MYO1D: variants seen among roughly 807,000 people sequenced by gnomAD.
MYO1D encodes the protein unconventional myosin-Id.
A neutral mutation model predicts 122.0 loss-of-function variants in MYO1D; 83 were observed. That is an observed-to-expected ratio of 0.68 (90% CI 0.57 to 0.82). The LOEUF (loss-of-function observed/expected upper bound fraction) is 0.82, where lower values mean the gene tolerates loss of function less well. Ranked by LOEUF, MYO1D falls within the 40% of genes least tolerant of loss-of-function variation. MYO1D has a pLI of 0.00. For missense variants in MYO1D, 1,157 were observed against 1,269.5 expected (o/e 0.91, Z 1.35); for synonymous variants, 464 against 446.9 (o/e 1.04, Z -0.48).
intron 1 of MYO1D, among the ~76,000 whole-genome samples, chr17:32,847,361 A>G (rs922984412): frequency 1.1e-4 from 17 of 152,230 alleles, no homozygotes; most frequent in Non-Finnish European, 2.5e-4. Context: ...GAATAATTAT[A>G]GCCCAGAGAA....
intron 21 of MYO1D, among the ~76,000 whole-genome samples, chr17:32,554,071 G>C (rs951977636): frequency 6.6e-6 from 1 of 152,092 alleles, no homozygotes; most frequent in African/African-American, 2.4e-5. Flanking sequence ...AAATACCTGA[G>C]TCACCAGTTA....
At chr17:32,556,018 G>A (rs914062259) in intron 21 of MYO1D, among the ~76,000 whole-genome samples, 7 of 152,098 alleles carry the variant, frequency 4.6e-5, no homozygotes, top group Admixed American at 2.6e-4. Context: ...TTATCATATC[G>A]AATTATTTTT....
chr17:32,800,696 T>G (rs1341248181), intron 1 of MYO1D, among the ~76,000 whole-genome samples: 4 of 150,400 alleles, frequency 2.7e-5, no homozygotes, highest in South Asian at 2.1e-4. Flanking sequence ...TTTGTTTTTG[T>G]TTTTTTTTGT....
Position 32,549,803 on chromosome 17 carries a change from C to T in MYO1D, c.2865-54888G>A, listed in dbSNP as rs373072349. Reference sequence around the variant, plus strand: ...ATGAAGGACACGTTAATTGCATTAACTATCTTATGGAAGTATTGCGAAATA... The same window carrying T: ...ATGAAGGACACGTTAATTGCATTAATTATCTTATGGAAGTATTGCGAAATA... On this transcript the variant is annotated intron_variant, in intron 21 of 21. Coordinates refer to ENST00000318217, the MANE Select transcript of MYO1D (RefSeq NM_015194.3). Among the ~76,000 whole-genome samples the T allele has an allele frequency of 9.2e-5, 14 of 152,270 alleles. No homozygotes were observed. The East Asian group carries it at 2.7e-3, about 29-fold the overall frequency.
Position 32,533,283 on chromosome 17 carries a change from G to A in MYO1D, c.2865-38368C>T, listed in dbSNP as rs140882821. ...TTTGCCCTTGGATAAGAGACAGCTG[G>A]GTTCATGGCCACCCATCACCCAAGC... On this transcript the variant is annotated intron_variant, in intron 21 of 21. Transcript: ENST00000318217. Among the ~76,000 whole-genome samples, 884 of 152,072 alleles carry A rather than the reference G, an allele frequency of 5.8e-3. 9 individuals carry two copies. Among genetic ancestry groups the A allele is most frequent in the African/African-American group, 0.02 (846 of 41,470 alleles).
At chr17:32,578,572 T>A (rs143655242) in intron 21 of MYO1D, among the ~76,000 whole-genome samples, 26 of 152,380 alleles carry the variant, frequency 1.7e-4, no homozygotes, top group African/African-American at 5.8e-4. Flanking sequence ...TAACAGAATT[T>A]GTAATAGAAA....
At chr17:32,634,437 C>G (rs182074714) in intron 20 of MYO1D, among the ~76,000 whole-genome samples, 1 of 152,236 alleles carries the variant, frequency 6.6e-6, no homozygotes, top group East Asian at 1.9e-4. Context: ...CACTGGTGAC[C>G]CATGGGAGAT....
intron 20 of MYO1D, chr17:32,632,602 CACACACACACACACACACACACACAT>C (rs2088032043): frequency 2.7e-5 from 4 of 149,612 alleles, no homozygotes; most frequent in African/African-American, 9.9e-5. Flanking sequence ...CACACACACA[CACACACACACACACACACACACACAT>C]ATATATATAT....
At chr17:32,537,763 C>A (rs187517655) in intron 21 of MYO1D, among the ~76,000 whole-genome samples, 2 of 152,126 alleles carry the variant, frequency 1.3e-5, no homozygotes, top group Non-Finnish European at 1.5e-5. Flanking sequence ...ACAATGCTTA[C>A]AAAATCATAG....
intron 14 of MYO1D, among the ~76,000 whole-genome samples, chr17:32,721,508 G>A (rs939346976): frequency 1.3e-5 from 2 of 152,198 alleles, no homozygotes; most frequent in Non-Finnish European, 2.9e-5. Flanking sequence ...GGTTAAAGCA[G>A]CTGAAGGAGT....
chr17:32,860,704 A>G (rs572696190), intron 1 of MYO1D, among the ~76,000 whole-genome samples: 1 of 152,326 alleles, frequency 6.6e-6, no homozygotes, highest in Admixed American at 6.5e-5. Flanking sequence ...CGAATAATAA[A>G]CACAAAGCTA....
chr17:32,630,885 C>A (rs1423262518), intron 20 of MYO1D, among the ~76,000 whole-genome samples: 3 of 152,088 alleles, frequency 2.0e-5, no homozygotes, highest in Admixed American at 6.6e-5. Context: ...TAGAGTTGTT[C>A]TTCTGACGGC....
At chr17:32,621,130 C>A (rs561599079) in intron 20 of MYO1D, among the ~76,000 whole-genome samples, 5 of 152,140 alleles carry the variant, frequency 3.3e-5, no homozygotes, top group Admixed American at 6.5e-5. Context: ...TGTGTGCCTG[C>A]GTTTTCACTG....
chr17:32,569,198 A>G (rs1298176225), intron 21 of MYO1D, among the ~76,000 whole-genome samples: 2 of 152,182 alleles, frequency 1.3e-5, no homozygotes, highest in Admixed American at 6.5e-5. Flanking sequence ...GCTGATTTCC[A>G]TGTGAGTGTA....
At chr17:32,739,642 A>T (rs2089751091) in intron 13 of MYO1D, among the ~76,000 whole-genome samples, 1 of 150,312 alleles carries the variant, frequency 6.7e-6, no homozygotes, top group African/African-American at 2.4e-5. Flanking sequence ...AAAGTATAAT[A>T]AAAAAAAATT....
chr17:32,789,469 A>G (rs1419029005), intron 1 of MYO1D, among the ~76,000 whole-genome samples: 1 of 152,236 alleles, frequency 6.6e-6, no homozygotes, highest in African/African-American at 2.4e-5. Context: ...TACCAACAAT[A>G]AACATCAATA....
Position 32,653,894 on chromosome 17 carries a change from C to T in MYO1D, c.2544G>A (p.Leu848=). 1.2e-6 allele frequency: 2 copies of T among 1,613,942 alleles called. No homozygotes were observed. Among genetic ancestry groups the T allele is most frequent in the Non-Finnish European group, 1.7e-6 (2 of 1,179,946 alleles). Residue 848 remains leucine (L), a synonymous_variant, in exon 19 of 22, where the codon TTG becomes TTA. Transcript: ENST00000318217. ...SGTFVPVANE[L]KRKDKYMNVL... ...CATTCATGTATTTGTCCTTCCGTTT[C>T]AATTCATTAGCAACAGGGACAAAAG...
intron 16 of MYO1D, among the ~76,000 whole-genome samples, chr17:32,705,124 C>T (rs1203317136): frequency 1.4e-5 from 2 of 144,872 alleles, no homozygotes; most frequent in African/African-American, 2.6e-5. Flanking sequence ...ATTTGAACTA[C>T]GTGGGTCCAC....
intron 1 of MYO1D, among the ~76,000 whole-genome samples, chr17:32,822,752 C>T (rs901559727): frequency 2.4e-4 from 37 of 151,364 alleles, no homozygotes; most frequent in African/African-American, 7.7e-4. Context: ...GGGCAGCAGG[C>T]GGCGAGGCCC....
Sources: gnomAD v4.1 joint callset for allele counts (sites outside exome capture counted in the v4.1 genomes callset) on GRCh38, gnomAD v4.1.1 for gene constraint, MANE v1.5 for transcripts, NCBI Gene and HGNC (gene_info 2026-07-23, HGNC 2026-07-21) for gene names.